The following ADAM10 variants were observed in gnomAD, a reference collection of about 807,000 sequenced individuals.
ADAM10 encodes ADAM metallopeptidase domain 10.
ADAM10 carries 17 observed loss-of-function variants against 90.1 expected under a neutral mutation model. That is an observed-to-expected ratio of 0.19 (90% confidence interval 0.13 to 0.28). The LOEUF (loss-of-function observed/expected upper bound fraction) is 0.28. Among genes scored for constraint, ADAM10 ranks in the 10% least tolerant of loss-of-function variants. The pLI, the probability that ADAM10 is intolerant of heterozygous loss-of-function variation, is 1.00. For missense variants in ADAM10, 610 were observed against 914.3 expected, an observed-to-expected ratio of 0.67 and a Z score of 4.29; for synonymous variants, 310 against 298.6, an observed-to-expected ratio of 1.04 and a Z score of -0.40.
At chr15:58,701,724 T>G (rs1007491911) in intron 2 of ADAM10, among the ~76,000 whole-genome samples, 1 of 152,208 alleles carries the variant, frequency 6.6e-6, no homozygotes, top group Non-Finnish European at 1.5e-5. Flanking sequence ...AGCCAAGATA[T>G]GTAATCAACT....
intron 10 of ADAM10, among the ~76,000 whole-genome samples, chr15:58,624,001 G>GT: frequency 6.6e-6 from 1 of 150,904 alleles, no homozygotes; most frequent in Non-Finnish European, 1.5e-5. Flanking sequence ...AAAAAAAGGG[G>GT]GGGCCAGGCG....
chr15:58,614,135 A>G (rs1190092540), intron 11 of ADAM10, among the ~76,000 whole-genome samples: 2 of 152,156 alleles, frequency 1.3e-5, no homozygotes, highest in Admixed American at 6.5e-5. Flanking sequence ...TACGAAAAAA[A>G]CTAGCTGGGC....
At chr15:58,660,791 A>C (rs1344908004) in intron 5 of ADAM10, among the ~76,000 whole-genome samples, 3 of 152,222 alleles carry the variant, frequency 2.0e-5, no homozygotes, top group African/African-American at 7.2e-5. Flanking sequence ...AAATTCCTGC[A>C]AACTTTTTCT....
At chr15:58,670,131 A>G (rs1329411333) in intron 4 of ADAM10, among the ~76,000 whole-genome samples, 1 of 152,088 alleles carries the variant, frequency 6.6e-6, no homozygotes, top group East Asian at 1.9e-4. Flanking sequence ...AGCTGTTAAA[A>G]GAGTAATACT....
At chr15:58,605,918 G>A (rs1442465463) in intron 14 of ADAM10, among the ~76,000 whole-genome samples, 1 of 151,918 alleles carries the variant, frequency 6.6e-6, no homozygotes, top group Non-Finnish European at 1.5e-5. Context: ...TAAACAAAAA[G>A]AACCTATATG....
chr15:58,743,957 T>C (rs1899702694), intron 1 of ADAM10, among the ~76,000 whole-genome samples: 2 of 152,202 alleles, frequency 1.3e-5, no homozygotes, highest in Non-Finnish European at 2.9e-5. Context: ...AATATTACAG[T>C]TGGACATTTT....
At chr15:58,619,914 A>T (rs183012638) in intron 11 of ADAM10, among the ~76,000 whole-genome samples, 6 of 152,024 alleles carry the variant, frequency 3.9e-5, no homozygotes, top group African/African-American at 1.2e-4. Context: ...AAAAAAAAAA[A>T]TTTAAAAAAA....
chr15:58,706,534 C>T (rs2140798754), intron 2 of ADAM10, among the ~76,000 whole-genome samples: 1 of 152,096 alleles, frequency 6.6e-6, no homozygotes, highest in African/African-American at 2.4e-5. Context: ...TTATCTTCCA[C>T]TAGTATACTT....
chr15:58,745,045 T>C (rs1244981146), intron 1 of ADAM10, among the ~76,000 whole-genome samples: 1 of 152,144 alleles, frequency 6.6e-6, no homozygotes, highest in Admixed American at 6.5e-5. Context: ...TAGCCAGGCG[T>C]GGTGGTGCGC....
At chr15:58,658,105 C>T (rs1701198866) in intron 5 of ADAM10, among the ~76,000 whole-genome samples, 1 of 152,006 alleles carries the variant, frequency 6.6e-6, no homozygotes, top group Non-Finnish European at 1.5e-5. Flanking sequence ...TATCACAAGT[C>T]ACAAAAATTT....
At chr15:58,720,819 A>T (rs1001008421) in intron 1 of ADAM10, among the ~76,000 whole-genome samples, 3 of 152,352 alleles carry the variant, frequency 2.0e-5, no homozygotes, top group Admixed American at 6.5e-5. Context: ...AAAAAGAAGA[A>T]ATCAATAATG....
intron 4 of ADAM10, among the ~76,000 whole-genome samples, chr15:58,668,024 G>C (rs1186484760): frequency 6.6e-6 from 1 of 152,112 alleles, no homozygotes; most frequent in Non-Finnish European, 1.5e-5. Context: ...TCTGGAAACA[G>C]AGATGAGGAA....
intron 11 of ADAM10, among the ~76,000 whole-genome samples, chr15:58,613,898 T>C (rs1411017437): frequency 6.6e-6 from 1 of 152,170 alleles, no homozygotes; most frequent in Non-Finnish European, 1.5e-5. Flanking sequence ...GGAGGATCAC[T>C]TGAGCCCAGG....
At chr15:58,633,868 T>G (rs539081503) in intron 8 of ADAM10, among the ~76,000 whole-genome samples, 2 of 147,856 alleles carry the variant, frequency 1.4e-5, no homozygotes, top group Admixed American at 6.8e-5. Flanking sequence ...ACAATGTATT[T>G]GTAAAAATAG....
intron 5 of ADAM10, among the ~76,000 whole-genome samples, chr15:58,647,208 C>T (rs538667156): frequency 1.4e-5 from 2 of 145,788 alleles, no homozygotes; most frequent in Admixed American, 7.1e-5. Context: ...GTAATGCTAT[C>T]ACCTAACACA....
At chr15:58,655,549 C>T (rs1206376673) in intron 5 of ADAM10, 9 of 150,826 alleles carry the variant, frequency 6.0e-5, no homozygotes, top group African/African-American at 2.2e-4. Context: ...ACCTCCAGCA[C>T]TGAGGATTAC....
intron 2 of ADAM10, among the ~76,000 whole-genome samples, chr15:58,683,859 CAAAAAAAAA>C (rs71425819): frequency 3.7e-4 from 25 of 67,244 alleles, no homozygotes; most frequent in South Asian, 1.1e-3. Context: ...GGCTCCATCT[CAAAAAAAAA>C]AAAAAAAAAA....
Position 58,611,816 on chromosome 15 carries a change from T to TGCCTATTG in ADAM10, c.1686_1687insCAATAGGC (p.Ile563GlnfsTer2). The TGCCTATTG allele has an allele frequency of 6.2e-7, 1 of 1,614,156 alleles. No individual in the cohort carries two copies. The highest frequency in any genetic ancestry group is 8.5e-7 in the Non-Finnish European group (1 of 1,179,978). On this transcript the variant is annotated stop_gained and frameshift_variant, in exon 12 of 16. Transcript: ENST00000260408. LOFTEE classifies it high-confidence loss of function. ...TATAGTTAAATGCTTACCCCATTAA[T>TGCCTATTG]GCACACTTGTGTATGCCTATTACAG...
intron 8 of ADAM10, among the ~76,000 whole-genome samples, chr15:58,637,480 C>A (rs1464846844): frequency 6.6e-6 from 1 of 152,178 alleles, no homozygotes; most frequent in African/African-American, 2.4e-5. Context: ...ACACAAGAAT[C>A]CTGTCTCCCA....
Sources: gnomAD v4.1 joint callset for allele counts (sites outside exome capture counted in the v4.1 genomes callset) on GRCh38, gnomAD v4.1.1 for gene constraint, MANE v1.5 for transcripts, NCBI Gene and HGNC (gene_info 2026-07-23, HGNC 2026-07-21) for gene names.